PTPRT: variants seen among roughly 807,000 people sequenced by gnomAD.
PTPRT encodes the protein protein tyrosine phosphatase receptor type T.
Under a neutral mutation model 176.8 loss-of-function variants are expected in PTPRT, and 56 were observed. The observed-to-expected ratio is 0.32, with a 90% CI of 0.26 to 0.40. The LOEUF is 0.40. Ranked by LOEUF, PTPRT falls within the 10% of genes least tolerant of loss-of-function variation. The pLI, the probability that PTPRT is intolerant of heterozygous loss-of-function variation, is 1.00. For missense variants in PTPRT, 1,540 were observed against 1,908.2 expected (o/e 0.81, Z 3.60); for synonymous variants, 783 against 739.0 (o/e 1.06, Z -0.96).
intron 1 of PTPRT, among the ~76,000 whole-genome samples, chr20:43,177,342 C>A (rs192590718): frequency 6.6e-6 from 1 of 152,292 alleles, no homozygotes; most frequent in East Asian, 1.9e-4. Context: ...TTCCTGGAAC[C>A]TTTTGTGTGA....
chr20:42,847,577 C>G (rs2078396298), intron 2 of PTPRT, among the ~76,000 whole-genome samples: 1 of 152,208 alleles, frequency 6.6e-6, no homozygotes, highest in Non-Finnish European at 1.5e-5. Flanking sequence ...TGGGCATCAA[C>G]TTGGATATAC....
At chr20:43,157,855 G>A (rs550694005) in intron 1 of PTPRT, among the ~76,000 whole-genome samples, 3 of 152,284 alleles carry the variant, frequency 2.0e-5, no homozygotes, top group Non-Finnish European at 2.9e-5. Context: ...CCAGAGGCTG[G>A]AGCATGCATG....
At chr20:42,998,601 C>T (rs946029360) in intron 1 of PTPRT, among the ~76,000 whole-genome samples, 15 of 152,130 alleles carry the variant, frequency 9.9e-5, no homozygotes, top group Admixed American at 9.8e-4. Context: ...AGAATAGGTG[C>T]TCAATAAATA....
rs192359081 is a variant in PTPRT, at chr20:42,741,565, C to T, written c.859+14897G>A. On this transcript the variant is annotated intron_variant, in intron 6 of 30. Transcript: ENST00000373187. ...TTCACCATGTTGGCCAGGCTGGTCT[C>T]GAACTCCTCACCTCAGGTGATCCAC... Among the ~76,000 whole-genome samples the T allele has an allele frequency of 1.6e-3, 242 of 152,172 alleles. 2 individuals carry two copies. The highest frequency in any genetic ancestry group is 2.7e-3 in the Non-Finnish European group (184 of 67,982).
At chr20:42,279,451 C>T (rs2147043592) in intron 13 of PTPRT, among the ~76,000 whole-genome samples, 1 of 152,240 alleles carries the variant, frequency 6.6e-6, no homozygotes, top group Middle Eastern at 3.4e-3. Context: ...AAAGATTCTT[C>T]CTCACAACAC....
chr20:42,996,621 C>T (rs956900397), intron 1 of PTPRT, among the ~76,000 whole-genome samples: 5 of 151,944 alleles, frequency 3.3e-5, no homozygotes, highest in Non-Finnish European at 7.4e-5. Context: ...GGAGTGGTGA[C>T]GGAGATTATT....
intron 8 of PTPRT, among the ~76,000 whole-genome samples, chr20:42,471,725 G>A (rs527263296): frequency 5.9e-5 from 9 of 152,036 alleles, no homozygotes; most frequent in Admixed American, 3.3e-4. Flanking sequence ...GTGCGATCTC[G>A]GCTCACTGCA....
the PTPRT span, among the ~76,000 whole-genome samples, chr20:42,056,171 T>C: frequency 6.6e-6 from 1 of 152,150 alleles, no homozygotes; most frequent in Non-Finnish European, 1.5e-5. Flanking sequence ...TAGAAGCCAA[T>C]AAGGGTGTTT....
Position 42,118,554 on chromosome 20 carries a change from GAGA to G in PTPRT, c.2885-57_2885-55del, listed in dbSNP as rs143315145. 6.7e-3 allele frequency: 10,027 copies of G among 1,496,526 alleles called. 495 individuals carry two copies. The African/African-American group carries it at 0.11, about 17-fold the overall frequency. The allele number at this position is 1,496,526 out of a possible 1,614,324, so 92.7% of individuals were successfully genotyped here. A position where few individuals can be genotyped will look rare whatever the true frequency, so the allele number is the denominator to read the frequency against. ...AGAATGCAAGTGCAAAGCAGCAGCT[GAGA>G]AGGTTTGTCCCCCCGGTTGGTCAAG... On this transcript the variant is annotated intron_variant, in intron 20 of 30. Coordinates refer to ENST00000373187, the MANE Select transcript of PTPRT (RefSeq NM_007050.6).
intron 13 of PTPRT, among the ~76,000 whole-genome samples, chr20:42,259,244 A>G (rs576466319): frequency 6.6e-6 from 1 of 152,348 alleles, no homozygotes; most frequent in African/African-American, 2.4e-5. Context: ...ACACACCAGG[A>G]AAGACGGCTA....
chr20:42,649,243 T>G (rs565268710), intron 7 of PTPRT, among the ~76,000 whole-genome samples: 2 of 152,190 alleles, frequency 1.3e-5, no homozygotes, highest in South Asian at 4.2e-4. Context: ...GGAGAGCTTG[T>G]GCAAAGGAAC....
In PTPRT at chr20:42,259,202, G is replaced by A. The variant is rs563205856; in HGVS notation, c.2177-10380C>T. Reference sequence around the variant, plus strand: ...CCTTGTTTTACACTGTAAATGCTCTGTGTAGGTCAAATTCTAGTTCAGTCA... The same window carrying A: ...CCTTGTTTTACACTGTAAATGCTCTATGTAGGTCAAATTCTAGTTCAGTCA... On this transcript the variant is annotated intron_variant, in intron 13 of 30. Transcript: ENST00000373187. 4.6e-5 allele frequency among the ~76,000 whole-genome samples: 7 copies of A among 152,314 alleles called. No homozygotes were observed. In the South Asian group the frequency reaches 1.5e-3, roughly 32 times the overall value.
chr20:42,130,081 G>A (rs772502630), intron 18 of PTPRT, among the ~76,000 whole-genome samples: 4 of 152,228 alleles, frequency 2.6e-5, no homozygotes, highest in Non-Finnish European at 4.4e-5. Context: ...AGAGCACAGA[G>A]GAGTGAAGTT....
intron 9 of PTPRT, among the ~76,000 whole-genome samples, chr20:42,365,473 A>C (rs1051959537): frequency 1.3e-5 from 2 of 151,772 alleles, no homozygotes; most frequent in African/African-American, 4.8e-5. Flanking sequence ...ATTTTTCCCC[A>C]CCCTACCCCC....
chr20:43,179,215 C>CT lies in PTPRT; in HGVS notation c.88+10430dup, dbSNP rs2015190633. ...ATTGTGACAGTTTCTTCTGTGATGA[C>CT]TGTACTACTGCCACAACAACCAAAA... On this transcript the variant is annotated intron_variant, in intron 1 of 30. Coordinates refer to ENST00000373187, the MANE Select transcript of PTPRT (RefSeq NM_007050.6). Among the ~76,000 whole-genome samples, 10 of 152,320 alleles carry CT rather than the reference C, an allele frequency of 6.6e-5. No individual in the cohort carries two copies. In the South Asian group the frequency reaches 2.1e-3, roughly 32 times the overall value.
chr20:43,189,600 C>A lies in PTPRT; in HGVS notation c.88+46G>T. 1 of 1,186,652 alleles carries A rather than the reference C, an allele frequency of 8.4e-7. No individual in the cohort carries two copies. Among genetic ancestry groups the A allele is most frequent in the Non-Finnish European group, 1.1e-6 (1 of 949,468 alleles). 73.5% of individuals were successfully genotyped at this position (1,186,652 alleles called of 1,614,324 possible). ...CCCGCGGCTGGGGGCCCGCGCGCATCCAGGAGGGAGCGGGGAGCCCAGGGG... is the reference window on the plus strand; with the variant it reads ...CCCGCGGCTGGGGGCCCGCGCGCATACAGGAGGGAGCGGGGAGCCCAGGGG... On this transcript the variant is annotated intron_variant, in intron 1 of 30. Coordinates refer to ENST00000373187, the MANE Select transcript of PTPRT (RefSeq NM_007050.6). This position sits in a 1 kb window ranked among gnomAD's most constrained non-coding sequence, Gnocchi z 5.0.
chr20:42,677,070 T>A (rs1321790886), intron 7 of PTPRT, among the ~76,000 whole-genome samples: 1 of 152,066 alleles, frequency 6.6e-6, no homozygotes, highest in Admixed American at 6.5e-5. Flanking sequence ...CAACCCAGAC[T>A]CTTAGGTAGG....
intron 1 of PTPRT, among the ~76,000 whole-genome samples, chr20:43,067,641 G>C (rs950068794): frequency 6.6e-6 from 1 of 151,810 alleles, no homozygotes; most frequent in Non-Finnish European, 1.5e-5. Flanking sequence ...ATGACTGTTG[G>C]GTACCTGAGA....
At chr20:42,753,236 C>T (rs147137574) in intron 6 of PTPRT, among the ~76,000 whole-genome samples, 15 of 152,188 alleles carry the variant, frequency 9.9e-5, no homozygotes, top group Middle Eastern at 3.4e-3. Context: ...TCCAGTTGTA[C>T]CCCTTGGGAT....
Sources: gnomAD v4.1 joint callset for allele counts (sites outside exome capture counted in the v4.1 genomes callset) on GRCh38, gnomAD v4.1.1 for gene constraint, Gnocchi (gnomAD v3.1) non-coding constraint, MANE v1.5 for transcripts, NCBI Gene and HGNC (gene_info 2026-07-23, HGNC 2026-07-21) for gene names.